The following CHSY3 variants were observed in gnomAD, a reference collection of about 807,000 sequenced individuals.
CHSY3 encodes N-acetylgalactosaminyl-proteoglycan 3-beta-glucuronosyltransferase 3.
CHSY3 carries 35 observed loss-of-function variants against 67.2 expected under a neutral mutation model. The ratio of observed to expected loss-of-function variants is 0.52; its 90% confidence interval spans 0.40 to 0.69. The LOEUF (loss-of-function observed/expected upper bound fraction) is 0.69. Ranked by LOEUF, CHSY3 falls within the 30% of genes least tolerant of loss-of-function variation. CHSY3 has a pLI of 0.00. For missense variants in CHSY3, 1,069 were observed against 1,138.5 expected (o/e 0.94, Z 0.88); for synonymous variants, 474 against 434.7 (o/e 1.09, Z -1.12).
intron 2 of CHSY3, among the ~76,000 whole-genome samples, chr5:130,178,065 A>G (rs1042507636): frequency 2.0e-5 from 3 of 150,166 alleles, no homozygotes; most frequent in African/African-American, 4.9e-5. Context: ...GTTTTTCTAC[A>G]TATGTACTTG....
At chr5:130,139,566 T>C (rs758376673) in intron 2 of CHSY3, among the ~76,000 whole-genome samples, 9 of 152,240 alleles carry the variant, frequency 5.9e-5, no homozygotes, top group Non-Finnish European at 1.0e-4. Flanking sequence ...TAAAGTTCTT[T>C]TCTTCTGTGC....
intron 2 of CHSY3, among the ~76,000 whole-genome samples, chr5:130,178,253 A>ATATATTTTTTTTTTTTTTTT (rs1205782386): frequency 4.4e-5 from 2 of 45,912 alleles, no homozygotes; most frequent in Admixed American, 4.0e-4. Context: ...ATATATATAT[A>ATATATTTTTTTTTTTTTTTT]TTTTTTTTTT....
intron 2 of CHSY3, among the ~76,000 whole-genome samples, chr5:129,958,937 A>G (rs1351271529): frequency 6.6e-6 from 1 of 152,128 alleles, no homozygotes; most frequent in Non-Finnish European, 1.5e-5. Context: ...AAAGAATAAA[A>G]TATAGGACTC....
In CHSY3 at chr5:130,078,186, G is replaced by C. The variant is rs1247519880; in HGVS notation, c.1087-106043G>C. 3.3e-5 allele frequency among the ~76,000 whole-genome samples: 5 copies of C among 151,986 alleles called. No homozygotes were observed. The South Asian group carries it at 8.3e-4, about 25-fold the overall frequency. On this transcript the variant is annotated intron_variant, in intron 2 of 2. Transcript: ENST00000305031. ...CCCAGGTTCCAAATACACCATGTTGGGGGGCCATCCGTACAACTTTACCTG... is the reference window on the plus strand; with the variant it reads ...CCCAGGTTCCAAATACACCATGTTGCGGGGCCATCCGTACAACTTTACCTG...
intron 2 of CHSY3, among the ~76,000 whole-genome samples, chr5:130,009,894 T>C (rs937940961): frequency 1.1e-4 from 17 of 151,848 alleles, no homozygotes; most frequent in African/African-American, 3.9e-4. Context: ...ACAAAGAGGG[T>C]TATTACATAA....
At chr5:129,905,749 C>G in intron 1 of CHSY3, 118 bp downstream of exon 1, 1 of 1,515,640 alleles carries the variant, frequency 6.6e-7, no homozygotes, top group Non-Finnish European at 8.8e-7. Flanking sequence ...GCTTCGGGCT[C>G]CCACAGGCCC....
chr5:129,909,052 T>A (rs1760435595), intron 2 of CHSY3, among the ~76,000 whole-genome samples: 1 of 152,166 alleles, frequency 6.6e-6, no homozygotes, highest in Non-Finnish European at 1.5e-5. Flanking sequence ...TGCTATTTTC[T>A]GAAAAGGAAC....
intron 2 of CHSY3, among the ~76,000 whole-genome samples, chr5:129,996,164 G>T (rs1024130155): frequency 7.2e-5 from 11 of 151,954 alleles, no homozygotes; most frequent in African/African-American, 2.4e-4. Context: ...AAATTATTTT[G>T]TGTCTGGGAA....
intron 2 of CHSY3, among the ~76,000 whole-genome samples, chr5:129,963,704 G>C (rs1013289232): frequency 1.1e-4 from 16 of 151,940 alleles, no homozygotes; most frequent in African/African-American, 3.6e-4. Context: ...TCATTTGAAT[G>C]TTTCTTATGT....
rs200492744 is a variant in CHSY3, at chr5:130,064,963, C to A, written c.1087-119266C>A. ...ACCCATGTATAGTTTCTACTTTGCA[C>A]ACATCAGTTTGCAAAAGTAGTTTCT... is the stretch of plus-strand genomic sequence containing the variant. On this transcript the variant is annotated intron_variant, in intron 2 of 2. Transcript: ENST00000305031. Among the ~76,000 whole-genome samples the A allele has an allele frequency of 4.6e-5, 7 of 152,270 alleles. No individual in the cohort carries two copies. In the East Asian group the frequency reaches 1.4e-3, roughly 29 times the overall value.
At chr5:130,138,985 C>A (rs534920334) in intron 2 of CHSY3, among the ~76,000 whole-genome samples, 1 of 152,206 alleles carries the variant, frequency 6.6e-6, no homozygotes, top group Admixed American at 6.5e-5. Context: ...GATGTTACAA[C>A]CTACTACATA....
intron 2 of CHSY3, among the ~76,000 whole-genome samples, chr5:130,163,860 G>T (rs1054032402): frequency 1.3e-5 from 2 of 152,216 alleles, no homozygotes; most frequent in African/African-American, 4.8e-5. Flanking sequence ...ACCTTGCAAA[G>T]AAGAGTCAGG....
At chr5:130,008,407 G>A (rs958922372) in intron 2 of CHSY3, among the ~76,000 whole-genome samples, 1 of 152,104 alleles carries the variant, frequency 6.6e-6, no homozygotes, top group Non-Finnish European at 1.5e-5. Context: ...GCCAGTTGAT[G>A]GAACCCAACT....
chr5:129,981,177 C>T (rs1479214358), intron 2 of CHSY3, among the ~76,000 whole-genome samples: 1 of 151,382 alleles, frequency 6.6e-6, no homozygotes, highest in African/African-American at 2.4e-5. Context: ...GCCGAGATTG[C>T]GCCACTGCAC....
At chr5:129,970,614 G>A (rs912733584) in intron 2 of CHSY3, among the ~76,000 whole-genome samples, 1 of 151,850 alleles carries the variant, frequency 6.6e-6, no homozygotes, top group Non-Finnish European at 1.5e-5. Context: ...AAAGAATTTT[G>A]TGGATTGGGT....
chr5:130,157,335 T>G (rs956880386), intron 2 of CHSY3, among the ~76,000 whole-genome samples: 2 of 152,212 alleles, frequency 1.3e-5, no homozygotes, highest in African/African-American at 2.4e-5. Context: ...TTATTATACC[T>G]TAATAGGACT....
At chr5:130,074,521 T>G (rs1289805427) in intron 2 of CHSY3, among the ~76,000 whole-genome samples, 2 of 152,210 alleles carry the variant, frequency 1.3e-5, no homozygotes, top group African/African-American at 4.8e-5. Flanking sequence ...ATTTAGGAAC[T>G]GCTGAAATTA....
chr5:129,959,671 T>C (rs1372466752), intron 2 of CHSY3, among the ~76,000 whole-genome samples: 3 of 152,150 alleles, frequency 2.0e-5, no homozygotes, highest in Non-Finnish European at 2.9e-5. Context: ...GTGGTTTCCA[T>C]AGATAGCATG....
intron 2 of CHSY3, among the ~76,000 whole-genome samples, chr5:130,123,089 G>A (rs1482887649): frequency 1.3e-5 from 2 of 148,174 alleles, no homozygotes; most frequent in Admixed American, 6.7e-5. Context: ...AAAAAAAAAC[G>A]CAAGTTAAAT....
Sources: gnomAD v4.1 joint callset for allele counts (sites outside exome capture counted in the v4.1 genomes callset) on GRCh38, gnomAD v4.1.1 for gene constraint, MANE v1.5 for transcripts, NCBI Gene and HGNC (gene_info 2026-07-23, HGNC 2026-07-21) for gene names.